The following PLEKHA5 variants were observed in gnomAD, a reference collection of about 807,000 sequenced individuals.
PLEKHA5 encodes the protein pleckstrin homology domain containing A5, also known as pleckstrin homology domain-containing family A member 5.
PLEKHA5 carries 55 observed loss-of-function variants against 181.9 expected under a neutral mutation model. The ratio of observed to expected loss-of-function variants is 0.30; its 90% CI spans 0.24 to 0.38. PLEKHA5 has a LOEUF of 0.38. Among genes scored for constraint, PLEKHA5 ranks in the 10% least tolerant of loss-of-function variants. The pLI, the probability that PLEKHA5 is intolerant of heterozygous loss-of-function variation, is 1.00. For synonymous variants in PLEKHA5, 535 were observed against 529.4 expected (o/e 1.01, Z -0.15); for missense variants, 1,432 against 1,549.5 (o/e 0.92, Z 1.27).
At position 19,245,723 on chromosome 12, in the gene PLEKHA5, C is replaced by CAAAAA. The variant is rs1177391924; in HGVS notation, c.228-8194_228-8190dup. ...GCCTGGGGAACGAGAGTGAGACTGT[C>CAAAAA]AAAAAAAAAAAAAAAAAAAAAAAAA... On this transcript the variant is annotated intron_variant, in intron 3 of 31. Transcript: ENST00000429027. Among the ~76,000 whole-genome samples, 31 of 50,908 alleles carry CAAAAA rather than the reference C, an allele frequency of 6.1e-4. 4 individuals carry two copies. The highest frequency in any genetic ancestry group is 2.3e-3 in the African/African-American group (27 of 11,684). 33.4% of individuals were successfully genotyped at this position (50,908 alleles called of 152,430 possible). A position where few individuals can be genotyped will look rare whatever the true frequency, so the allele number is the denominator to read the frequency against.
intron 25 of PLEKHA5, among the ~76,000 whole-genome samples, chr12:19,352,539 A>G (rs180928254): frequency 6.6e-6 from 1 of 151,894 alleles, no homozygotes; most frequent in East Asian, 1.9e-4. Context: ...TAACTTGTTA[A>G]CGATGATGAT....
At chr12:19,217,912 TAA>T (rs1193946822) in intron 3 of PLEKHA5, among the ~76,000 whole-genome samples, 1 of 152,152 alleles carries the variant, frequency 6.6e-6, no homozygotes, top group African/African-American at 2.4e-5. Context: ...TGGATTACAT[TAA>T]GTTATCTATT....
intron 28 of PLEKHA5, among the ~76,000 whole-genome samples, chr12:19,360,084 C>A (rs1191476097): frequency 6.6e-6 from 1 of 152,090 alleles, no homozygotes; most frequent in East Asian, 1.9e-4. Context: ...GTAATCCCAG[C>A]ACTTTGAGAA....
intron 3 of PLEKHA5, among the ~76,000 whole-genome samples, chr12:19,222,675 G>T (rs529140627): frequency 1.3e-4 from 20 of 152,226 alleles, no homozygotes; most frequent in African/African-American, 4.8e-4. Context: ...AATGATTTTT[G>T]AAATGTCAGC....
intron 3 of PLEKHA5, among the ~76,000 whole-genome samples, chr12:19,248,703 A>G (rs781324733): frequency 1.3e-5 from 2 of 152,174 alleles, no homozygotes; most frequent in Non-Finnish European, 2.9e-5. Flanking sequence ...TATACACTTT[A>G]TGATGTTCAC....
intron 3 of PLEKHA5, among the ~76,000 whole-genome samples, chr12:19,251,506 A>C (rs544610648): frequency 3.3e-5 from 5 of 152,100 alleles, no homozygotes; most frequent in African/African-American, 7.2e-5. Flanking sequence ...TAGCTGGTAC[A>C]TGTTTGAGGT....
chr12:19,213,124 A>G (rs2057295436), intron 3 of PLEKHA5, among the ~76,000 whole-genome samples: 1 of 152,116 alleles, frequency 6.6e-6, no homozygotes, highest in Non-Finnish European at 1.5e-5. Context: ...AAGGTGACTG[A>G]TCCCTTTGGA....
chr12:19,180,680 A>G (rs1019220091), intron 3 of PLEKHA5, among the ~76,000 whole-genome samples: 5 of 152,210 alleles, frequency 3.3e-5, no homozygotes, highest in African/African-American at 1.2e-4. Flanking sequence ...CTAAAGACCC[A>G]TGCAATACAA....
intron 20 of PLEKHA5, among the ~76,000 whole-genome samples, chr12:19,332,715 G>A (rs2092968004): frequency 1.3e-5 from 2 of 152,162 alleles, no homozygotes; most frequent in South Asian, 4.1e-4. Flanking sequence ...ACAGGCTGGA[G>A]TACAATGGCA....
chr12:19,261,040 C>T lies in PLEKHA5; in HGVS notation c.610+19C>T, dbSNP rs200491566. 119 of 1,386,824 alleles carry T rather than the reference C, an allele frequency of 8.6e-5. No homozygotes were observed. Among genetic ancestry groups the T allele is most frequent in the Middle Eastern group, 3.7e-4 (2 of 5,440 alleles). The allele number at this position is 1,386,824 out of a possible 1,614,324, so 85.9% of individuals were successfully genotyped here. A position where few individuals can be genotyped will look rare whatever the true frequency, so the allele number is the denominator to read the frequency against. ...TATAGAGGTAAGTTTACCCTACTGTCTTAGTGTATTATTTTGTAATTGATA... is the reference window on the plus strand; with the variant it reads ...TATAGAGGTAAGTTTACCCTACTGTTTTAGTGTATTATTTTGTAATTGATA... On this transcript the variant is annotated intron_variant, in intron 7 of 31. Transcript: ENST00000429027.
chr12:19,242,697 T>C (rs1820025346), intron 3 of PLEKHA5, among the ~76,000 whole-genome samples: 2 of 152,216 alleles, frequency 1.3e-5, no homozygotes, highest in South Asian at 4.1e-4. Context: ...CCCCTTAATG[T>C]TCTTAATGTC....
intron 3 of PLEKHA5, among the ~76,000 whole-genome samples, chr12:19,217,621 A>G (rs1190692456): frequency 6.6e-6 from 1 of 152,238 alleles, no homozygotes; most frequent in African/African-American, 2.4e-5. Context: ...TCCCTGGGTC[A>G]GAGCTAAGGA....
At position 19,367,258 on chromosome 12, in the gene PLEKHA5, CTTTTTTTTTTTTT is replaced by C. The variant is rs376634416; in HGVS notation, c.3754+1162_3754+1174del. Among the ~76,000 whole-genome samples, 28 of 72,016 alleles carry C rather than the reference CTTTTTTTTTTTTT, an allele frequency of 3.9e-4. 1 individual carries two copies. Among genetic ancestry groups the C allele is most frequent in the African/African-American group, 1.4e-3 (25 of 17,874 alleles). 47.2% of individuals were successfully genotyped at this position (72,016 alleles called of 152,430 possible). A position where few individuals can be genotyped will look rare whatever the true frequency, so the allele number is the denominator to read the frequency against. On this transcript the variant is annotated intron_variant, in intron 30 of 31. Coordinates refer to ENST00000429027, the MANE Select transcript of PLEKHA5 (RefSeq NM_001256470.2). ...AGTGCATATTATCGCTTTGCTTCTTCTTTTTTTTTTTTTTTTTTTTTTTTTGAAGCTCTTTCAC... is the reference window on the plus strand; with the variant it reads ...AGTGCATATTATCGCTTTGCTTCTTCTTTTTTTTTTTTGAAGCTCTTTCAC...
chr12:19,195,256 C>T (rs1261467369), intron 3 of PLEKHA5, among the ~76,000 whole-genome samples: 1 of 152,158 alleles, frequency 6.6e-6, no homozygotes, highest in Non-Finnish European at 1.5e-5. Context: ...TGTTATTTCC[C>T]TTTTTATTTC....
At chr12:19,290,931 C>A (rs2078277316) in intron 14 of PLEKHA5, 135 bp downstream of exon 14, 1 of 725,398 alleles carries the variant, frequency 1.4e-6, no homozygotes, top group African/African-American at 1.8e-5. Flanking sequence ...ATTAGAATCT[C>A]CTATTAACCC....
rs921011837 is a variant in PLEKHA5, at chr12:19,142,206, A to AT, written c.227+9756_227+9757insT. Among the ~76,000 whole-genome samples the AT allele has an allele frequency of 1.6e-4, 24 of 151,866 alleles. 1 individual carries two copies. Among genetic ancestry groups the AT allele is most frequent in the African/African-American group, 5.3e-4 (22 of 41,276 alleles). On this transcript the variant is annotated intron_variant, in intron 3 of 31. Coordinates refer to ENST00000429027, the MANE Select transcript of PLEKHA5 (RefSeq NM_001256470.2). ...GTGACCCCCAATCTCTACAAAAAAA[A>AT]ATTGTTTTTTTAATTAGCTGGTCAT...
intron 16 of PLEKHA5, among the ~76,000 whole-genome samples, chr12:19,319,475 A>T (rs909276307): frequency 1.3e-5 from 2 of 152,310 alleles, no homozygotes; most frequent in Middle Eastern, 3.4e-3. Context: ...AGTTTCTTTC[A>T]TAGAGAAAAC....
intron 30 of PLEKHA5, among the ~76,000 whole-genome samples, chr12:19,367,213 T>G (rs1161516167): frequency 6.6e-6 from 1 of 150,586 alleles, no homozygotes; most frequent in Non-Finnish European, 1.5e-5. Context: ...TATGATTTTT[T>G]GGGAACAGGG....
chr12:19,255,219 C>T (rs2066529926), intron 5 of PLEKHA5, 54 bp downstream of exon 5: 1 of 1,091,132 alleles, frequency 9.2e-7, no homozygotes, highest in Admixed American at 2.5e-5. Context: ...AGTATCTATA[C>T]CGTTACTCAT....
Sources: gnomAD v4.1 joint callset for allele counts (sites outside exome capture counted in the v4.1 genomes callset) on GRCh38, gnomAD v4.1.1 for gene constraint, MANE v1.5 for transcripts, NCBI Gene and HGNC (gene_info 2026-07-23, HGNC 2026-07-21) for gene names.